The following SPATA16 variants were observed in gnomAD, a reference collection of about 807,000 sequenced individuals.
The protein encoded by SPATA16 is spermatogenesis-associated protein 16.
A neutral mutation model predicts 63.3 loss-of-function variants in SPATA16; 36 were observed. The ratio of observed to expected loss-of-function variants is 0.57; its 90% CI spans 0.44 to 0.75. The LOEUF (loss-of-function observed/expected upper bound fraction) is 0.75. Ranked by LOEUF, SPATA16 falls within the 30% of genes least tolerant of loss-of-function variation. The pLI is 0.00. For synonymous variants in SPATA16, 203 were observed against 216.7 expected (o/e 0.94, Z 0.56); for missense variants, 646 against 679.3 (o/e 0.95, Z 0.54).
chr3:173,003,516 C>T (rs1053362944), intron 4 of SPATA16, among the ~76,000 whole-genome samples: 9 of 152,196 alleles, frequency 5.9e-5, no homozygotes, highest in African/African-American at 2.2e-4. Context: ...GTCATTTAAA[C>T]TCTAGCTTCA....
intron 9 of SPATA16, among the ~76,000 whole-genome samples, chr3:172,914,038 A>C (rs1324896315): frequency 1.3e-5 from 2 of 152,194 alleles, no homozygotes; most frequent in Admixed American, 6.5e-5. Flanking sequence ...GTAAAGAATG[A>C]AGGCAGTAGT....
chr3:172,913,430 A>G (rs1732413669), intron 10 of SPATA16, among the ~76,000 whole-genome samples: 1 of 152,222 alleles, frequency 6.6e-6, no homozygotes, highest in African/African-American at 2.4e-5. Context: ...GATAATGAAG[A>G]AAAATCACGA....
chr3:173,052,188 G>C (rs1434373524), intron 2 of SPATA16, among the ~76,000 whole-genome samples: 1 of 152,122 alleles, frequency 6.6e-6, no homozygotes, highest in Non-Finnish European at 1.5e-5. Context: ...TTCATGGCAG[G>C]CAGGAGGAAG....
chr3:172,917,711 C>T (rs1330159333), intron 8 of SPATA16, among the ~76,000 whole-genome samples: 2 of 152,300 alleles, frequency 1.3e-5, no homozygotes, highest in East Asian at 1.9e-4. Context: ...TTTGCGCATA[C>T]TTATGAAACA....
chr3:172,913,535 A>G, intron 10 of SPATA16, 126 bp downstream of exon 10: 2 of 875,486 alleles, frequency 2.3e-6, no homozygotes, highest in South Asian at 1.5e-5. Flanking sequence ...GCATTTAATT[A>G]AAAAAGGAAA....
intron 2 of SPATA16, among the ~76,000 whole-genome samples, chr3:173,115,977 C>T (rs1013599610): frequency 4.0e-5 from 6 of 151,740 alleles, no homozygotes; most frequent in South Asian, 2.1e-4. Flanking sequence ...ACTGCACTCT[C>T]GACCTCTTGG....
At chr3:173,000,862 T>A (rs1416498335) in intron 4 of SPATA16, among the ~76,000 whole-genome samples, 2 of 152,306 alleles carry the variant, frequency 1.3e-5, no homozygotes, top group East Asian at 3.9e-4. Context: ...GTGTTTTTGA[T>A]CTCTAGAATT....
At chr3:172,942,367 G>A (rs183311208) in intron 6 of SPATA16, among the ~76,000 whole-genome samples, 56 of 152,238 alleles carry the variant, frequency 3.7e-4, no homozygotes, top group African/African-American at 1.3e-3. Context: ...GTAAAAGGAT[G>A]TGAAAAAGAA....
chr3:172,992,174 T>C lies in SPATA16; in HGVS notation c.849-15122A>G, dbSNP rs536719436. Among the ~76,000 whole-genome samples the C allele has an allele frequency of 5.9e-5, 9 of 151,720 alleles. No individual in the cohort carries two copies. In the South Asian group the frequency reaches 1.9e-3, roughly 31 times the overall value. On this transcript the variant is annotated intron_variant, in intron 4 of 10. Coordinates refer to ENST00000351008, the MANE Select transcript of SPATA16 (RefSeq NM_031955.6). ...GGTAATGCAGGCAGATGATGCTCTT[T>C]TTTCTTCTATTTAAAAAACCACAGC...
At chr3:172,921,140 T>C (rs1732607665) in intron 8 of SPATA16, among the ~76,000 whole-genome samples, 1 of 151,628 alleles carries the variant, frequency 6.6e-6, no homozygotes, top group African/African-American at 2.4e-5. Context: ...GGGCTCAAGC[T>C]GTCCTTCCAC....
intron 6 of SPATA16, among the ~76,000 whole-genome samples, chr3:172,936,764 A>G (rs924383942): frequency 2.6e-5 from 4 of 152,028 alleles, no homozygotes; most frequent in South Asian, 2.1e-4. Flanking sequence ...CTGGCATGCA[A>G]TGGCGTGATC....
intron 5 of SPATA16, among the ~76,000 whole-genome samples, chr3:172,967,276 T>C (rs1392943910): frequency 6.6e-6 from 1 of 152,132 alleles, no homozygotes; most frequent in Non-Finnish European, 1.5e-5. Flanking sequence ...CCAAAAGCTT[T>C]TTAGGAGGCA....
chr3:172,970,056 G>A (rs755409745), intron 5 of SPATA16, among the ~76,000 whole-genome samples: 5 of 152,098 alleles, frequency 3.3e-5, no homozygotes, highest in African/African-American at 4.8e-5. Flanking sequence ...TTGGTAAGCC[G>A]CTGAGTTTTA....
intron 6 of SPATA16, among the ~76,000 whole-genome samples, chr3:172,936,090 C>A (rs529473181): frequency 6.6e-6 from 1 of 152,254 alleles, no homozygotes; most frequent in African/African-American, 2.4e-5. Context: ...TTTGGTCTTT[C>A]TTCCTAGTTT....
At chr3:173,024,524 A>C (rs1307328385) in intron 3 of SPATA16, among the ~76,000 whole-genome samples, 1 of 150,936 alleles carries the variant, frequency 6.6e-6, no homozygotes, top group Non-Finnish European at 1.5e-5. Flanking sequence ...GAATTAGGTT[A>C]ATTAATGATT....
chr3:173,074,667 G>A (rs1736747264), intron 2 of SPATA16, among the ~76,000 whole-genome samples: 1 of 151,988 alleles, frequency 6.6e-6, no homozygotes, highest in African/African-American at 2.4e-5. Context: ...TCAGAAGTGT[G>A]AAAACGGACT....
intron 3 of SPATA16, among the ~76,000 whole-genome samples, chr3:173,036,221 T>C (rs1735712272): frequency 6.6e-6 from 1 of 152,050 alleles, no homozygotes; most frequent in South Asian, 2.1e-4. Flanking sequence ...AGACATTTTC[T>C]AAAAAATGAA....
At chr3:172,983,474 A>G (rs1734369093) in intron 4 of SPATA16, among the ~76,000 whole-genome samples, 1 of 152,040 alleles carries the variant, frequency 6.6e-6, no homozygotes, top group South Asian at 2.1e-4. Flanking sequence ...TATTTCATGT[A>G]TGTAATTGTA....
At chr3:173,037,534 A>T (rs1322911581) in intron 3 of SPATA16, among the ~76,000 whole-genome samples, 3 of 152,096 alleles carry the variant, frequency 2.0e-5, no homozygotes, top group Non-Finnish European at 4.4e-5. Flanking sequence ...GTAAAAGCTT[A>T]ATAACTGGTA....
Sources: allele counts gnomAD v4.1 joint callset (sites outside exome capture counted in the v4.1 genomes callset), GRCh38; gene constraint gnomAD v4.1.1; transcripts MANE v1.5; gene names NCBI Gene and HGNC (gene_info 2026-07-23, HGNC 2026-07-21).